Variants in KIF14 observed in about 807,000 individuals in gnomAD.
The protein encoded by KIF14 is kinesin-like protein KIF14.
KIF14 carries 98 observed loss-of-function variants against 176.2 expected under a neutral mutation model. The ratio of observed to expected loss-of-function variants is 0.56; its 90% CI spans 0.47 to 0.66. KIF14 has a LOEUF of 0.66. Ranked by LOEUF, KIF14 falls within the 30% of genes least tolerant of loss-of-function variation. The pLI, the probability that KIF14 is intolerant of heterozygous loss-of-function variation, is 0.00. For missense variants in KIF14, 1,751 were observed against 1,920.4 expected (o/e 0.91, Z 1.65); for synonymous variants, 566 against 632.2 (o/e 0.90, Z 1.57).
Position 200,579,609 on chromosome 1 carries a change from C to CAA in KIF14, c.3465+643_3465+644dup, listed in dbSNP as rs35703090. On this transcript the variant is annotated intron_variant, in intron 21 of 29. Coordinates refer to ENST00000367350, the MANE Select transcript of KIF14 (RefSeq NM_014875.3). The stretch of plus-strand genomic sequence containing the variant: ...GGGCAACAAGAGTGAAATTCCATTT[C>CAA]AAAAAAATATATATATATATATTTG... Among the ~76,000 whole-genome samples, 22 of 149,628 alleles carry CAA rather than the reference C, an allele frequency of 1.5e-4. 1 individual carries two copies. The highest frequency in any genetic ancestry group is 2.7e-4 in the Non-Finnish European group (18 of 67,496).
chr1:200,553,393 C>A lies in KIF14; in HGVS notation c.4942G>T (p.Val1648Leu). The change falls in exon 30 of 30, where the codon GTG (valine) becomes TTG (leucine). Residue 1648 changes from valine (V) to leucine (L), a missense_variant. Val to Leu is a conservative substitution (Grantham distance 32). Transcript: ENST00000367350. Reference sequence around the variant, plus strand: ...AAGTGCCTACACATCAGTATTCACACCCACTGAATCCTACTGGGTGTGCAT... The same window carrying A: ...AAGTGCCTACACATCAGTATTCACAACCACTGAATCCTACTGGGTGTGCAT... ...EECTPSRIQW[V>L] The A allele has an allele frequency of 1.9e-6, 3 of 1,601,034 alleles. No homozygotes were observed. Among genetic ancestry groups the A allele is most frequent in the Non-Finnish European group, 8.5e-7 (1 of 1,174,412 alleles).
chr1:200,614,821 A>AG (rs1660331257), intron 3 of KIF14, among the ~76,000 whole-genome samples: 1 of 144,418 alleles, frequency 6.9e-6, no homozygotes, highest in Non-Finnish European at 1.5e-5. Context: ...AAAAAAAAGA[A>AG]CTCAAATGTT....
chr1:200,597,695 T>A (rs1437362280), intron 14 of KIF14, among the ~76,000 whole-genome samples: 1 of 152,188 alleles, frequency 6.6e-6, no homozygotes, highest in Non-Finnish European at 1.5e-5. Flanking sequence ...CTCTCAGACA[T>A]ACAATTTAAA....
chr1:200,595,710 A>G (rs1659296119), intron 14 of KIF14, among the ~76,000 whole-genome samples: 1 of 152,152 alleles, frequency 6.6e-6, no homozygotes, highest in African/African-American at 2.4e-5. Flanking sequence ...GTACTTTGGG[A>G]GGCCAAGGTG....
intron 20 of KIF14, among the ~76,000 whole-genome samples, 159 bp from the exon 21 acceptor site, chr1:200,580,542 T>C (rs1439223449): frequency 6.6e-6 from 1 of 151,964 alleles, no homozygotes; most frequent in Non-Finnish European, 1.5e-5. Context: ...CATATAAGTA[T>C]AAAACATATA....
chr1:200,573,427 C>CTT (rs869174532), intron 22 of KIF14, among the ~76,000 whole-genome samples: 9,870 of 77,284 alleles, frequency 0.13, 1,539 homozygotes, highest in African/African-American at 0.23. Flanking sequence ...GAGCTCATTT[C>CTT]TTTTTTTTTT....
At position 200,612,042 on chromosome 1, in the gene KIF14, G is replaced by A. The variant is rs536892611; in HGVS notation, c.1455+2276C>T. Among the ~76,000 whole-genome samples the A allele has an allele frequency of 1.9e-3, 281 of 149,432 alleles. 1 individual carries two copies. Among genetic ancestry groups the A allele is most frequent in the African/African-American group, 6.5e-3 (263 of 40,492 alleles). ...TTTTGAGACAGAGTCTTGCTCTGTC[G>A]CCCAGGCTGGAGTACAGTGGCATGA... On this transcript the variant is annotated intron_variant, in intron 4 of 29. Transcript: ENST00000367350.
chr1:200,589,173 G>A, intron 18 of KIF14, 44 bp downstream of exon 18: 1 of 1,497,356 alleles, frequency 6.7e-7, no homozygotes, highest in Non-Finnish European at 9.0e-7. Flanking sequence ...AAAAAATCCA[G>A]CTTTTTCTCA....
chr1:200,570,419 G>T (rs907271547), intron 22 of KIF14, among the ~76,000 whole-genome samples: 1 of 152,210 alleles, frequency 6.6e-6, no homozygotes, highest in South Asian at 2.1e-4. Context: ...AGTCAGGGGG[G>T]CCTCCTTGGA....
Position 200,617,915 on chromosome 1 carries a change from A to C in KIF14, c.809T>G (p.Phe270Cys), listed in dbSNP as rs1482139648. 1 of 1,613,916 alleles carries C rather than the reference A, an allele frequency of 6.2e-7. No individual in the cohort carries two copies. Among genetic ancestry groups the C allele is most frequent in the Non-Finnish European group, 8.5e-7 (1 of 1,179,976 alleles). ...AGGTGTTCTTTTTTCTAAGCTCCCA[A>C]ATTTATTTGAAGTTTTTGCAATTTC... ...GKEIAKTSNK[F>C]GSLEKRTPTK... The change falls in exon 2 of 30, where the codon TTT (phenylalanine) becomes TGT (cysteine). Residue 270 changes from phenylalanine (F) to cysteine (C), a missense_variant. Coordinates refer to ENST00000367350, the MANE Select transcript of KIF14 (RefSeq NM_014875.3).
chr1:200,563,100 G>A (rs761880385), intron 25 of KIF14, among the ~76,000 whole-genome samples: 5 of 152,102 alleles, frequency 3.3e-5, no homozygotes, highest in African/African-American at 4.8e-5. Context: ...GGAGAACAAC[G>A]GACATTAAAA....
intron 20 of KIF14, 53 bp downstream of exon 20, chr1:200,581,148 T>TATAA: frequency 2.7e-6 from 2 of 740,880 alleles, no homozygotes; most frequent in South Asian, 3.9e-5. Flanking sequence ...AACTAAATGA[T>TATAA]ATAAAGGCCA....
chr1:200,600,647 T>C, intron 11 of KIF14, 144 bp from the exon 12 acceptor site: 2 of 628,664 alleles, frequency 3.2e-6, no homozygotes, highest in Non-Finnish European at 5.4e-6. Context: ...AGAAATCAGC[T>C]CTACTTTATA....
rs1656585164 is a variant in KIF14 at position 200,552,456 on chromosome 1, T to C, written c.*932A>G. On this transcript the variant is annotated 3_prime_UTR_variant, in exon 30 of 30. Coordinates refer to ENST00000367350, the MANE Select transcript of KIF14 (RefSeq NM_014875.3). ...TATCAAGAGAAGGTCCAGCCTCTGA[T>C]CTCCTAATCTCATCCAACAGTTTAG... 1 of 152,142 alleles carries C rather than the reference T, an allele frequency of 6.6e-6. No homozygotes were observed. The highest frequency in any genetic ancestry group is 1.5e-5 in the Non-Finnish European group (1 of 68,012). 9.4% of individuals were successfully genotyped at this position (152,142 alleles called of 1,614,324 possible).
Position 200,608,820 on chromosome 1 carries a change from T to G in KIF14, c.1554+10A>C, listed in dbSNP as rs1159333415. 3.3e-6 allele frequency: 5 copies of G among 1,505,778 alleles called. No individual in the cohort carries two copies. Among genetic ancestry groups the G allele is most frequent in the Non-Finnish European group, 3.7e-6 (4 of 1,084,224 alleles). The allele number at this position is 1,505,778 out of a possible 1,614,324, so 93.3% of individuals were successfully genotyped here. ...AATTCAAAACAAATAATAAATTGTT[T>G]TAATCTTACTGGTTGCTTTCTCTGC... On this transcript the variant is annotated intron_variant, in intron 5 of 29. Coordinates refer to ENST00000367350, the MANE Select transcript of KIF14 (RefSeq NM_014875.3).
intron 24 of KIF14, 59 bp downstream of exon 24, chr1:200,565,386 G>A: frequency 6.9e-7 from 1 of 1,444,912 alleles, no homozygotes. Flanking sequence ...TCAAAACAAA[G>A]TGCAATGTGC....
At position 200,565,591 on chromosome 1, in the gene KIF14, C is replaced by T. The variant is rs761732260; in HGVS notation, c.3740G>A (p.Gly1247Asp). Reference sequence around the variant, plus strand: ...CTGTCCAAAAAAATCTAACGAAGAACCAATCAATTCTTTGCAAATTCCAGG... The same window carrying T: ...CTGTCCAAAAAAATCTAACGAAGAATCAATCAATTCTTTGCAAATTCCAGG... ...FLPGICKELI[G>D]SSLDFFGQSY... is the part of the protein sequence containing the mutation. The change falls in exon 24 of 30, where the codon GGT becomes GAT. Residue 1247 changes from glycine (G) to aspartate (D), a missense_variant. Coordinates refer to ENST00000367350, the MANE Select transcript of KIF14 (RefSeq NM_014875.3). 6 of 1,611,986 alleles carry T rather than the reference C, an allele frequency of 3.7e-6. No homozygotes were observed. The highest frequency in any genetic ancestry group is 1.3e-5 in the African/African-American group (1 of 74,856).
At position 200,575,304 on chromosome 1, in the gene KIF14, T is replaced by C. The variant is rs190091243; in HGVS notation, c.3566+287A>G. ...AAATACTGTTCATTTTTACGGAAAA[T>C]TTAATTTATGCTACTCTAAGTTGCT... On this transcript the variant is annotated intron_variant, in intron 22 of 29. Coordinates refer to ENST00000367350, the MANE Select transcript of KIF14 (RefSeq NM_014875.3). 2.4e-3 allele frequency among the ~76,000 whole-genome samples: 364 copies of C among 152,178 alleles called. 7 individuals carry two copies. The highest frequency in any genetic ancestry group is 0.011 in the East Asian group (56 of 5,174).
intron 21 of KIF14, 63 bp from the exon 22 acceptor site, chr1:200,575,754 A>G (rs1022194405): frequency 1.2e-6 from 1 of 852,866 alleles, no homozygotes; most frequent in Non-Finnish European, 1.8e-6. Context: ...AGCAACTAAG[A>G]AAAAAAAGAT....
Sources: gnomAD v4.1 joint callset for allele counts (sites outside exome capture counted in the v4.1 genomes callset) on GRCh38, gnomAD v4.1.1 for gene constraint, MANE v1.5 for transcripts, NCBI Gene and HGNC (gene_info 2026-07-23, HGNC 2026-07-21) for gene names.